Variants in ENPP6 observed in about 807,000 individuals in gnomAD.
ENPP6 encodes ectonucleotide pyrophosphatase/phosphodiesterase 6, also known as glycerophosphocholine cholinephosphodiesterase ENPP6.
ENPP6 carries 32 observed loss-of-function variants against 42.0 expected under a neutral mutation model. That is an observed-to-expected ratio of 0.76 (90% confidence interval 0.58 to 1.02). ENPP6 has a LOEUF of 1.02. ENPP6 is among the 50% of genes least tolerant of loss of function. The pLI is 0.00. For synonymous variants in ENPP6, 213 were observed against 216.0 expected (o/e 0.99, Z 0.12); for missense variants, 552 against 566.8 (o/e 0.97, Z 0.27).
At chr4:184,179,103 C>A (rs1732497786) in intron 1 of ENPP6, among the ~76,000 whole-genome samples, 1 of 152,082 alleles carries the variant, frequency 6.6e-6, no homozygotes, top group Non-Finnish European at 1.5e-5. Context: ...GAGTCAAGAC[C>A]CATTGGCATG....
intron 5 of ENPP6, among the ~76,000 whole-genome samples, chr4:184,113,898 CTT>C (rs374762392): frequency 3.3e-5 from 4 of 122,738 alleles, no homozygotes; most frequent in African/African-American, 9.1e-5. Flanking sequence ...TCCTTTCTTT[CTT>C]TTCTTTCTTT....
chr4:184,105,004 A>T (rs1736064942), intron 6 of ENPP6, among the ~76,000 whole-genome samples: 1 of 152,224 alleles, frequency 6.6e-6, no homozygotes, highest in South Asian at 2.1e-4. Flanking sequence ...TGGGCTTTGA[A>T]GGACAGGGAG....
At chr4:184,147,772 G>A (rs1736953675) in intron 2 of ENPP6, among the ~76,000 whole-genome samples, 1 of 148,592 alleles carries the variant, frequency 6.7e-6, no homozygotes, top group African/African-American at 2.5e-5. Context: ...ATGCACTCTA[G>A]CCTGGGCAAC....
At chr4:184,157,446 TTC>T (rs1364967965) in intron 1 of ENPP6, among the ~76,000 whole-genome samples, 1 of 151,980 alleles carries the variant, frequency 6.6e-6, no homozygotes, top group Non-Finnish European at 1.5e-5. Context: ...TTTCTTTCTT[TTC>T]TTTCTCTCTC....
intron 7 of ENPP6, among the ~76,000 whole-genome samples, chr4:184,095,985 T>C (rs1413531499): frequency 6.6e-6 from 1 of 152,172 alleles, no homozygotes; most frequent in Non-Finnish European, 1.5e-5. Context: ...AGGTAGCATG[T>C]TCAGGCATCT....
chr4:184,099,323 T>C (rs1473894212), intron 6 of ENPP6, among the ~76,000 whole-genome samples: 1 of 152,228 alleles, frequency 6.6e-6, no homozygotes, highest in Non-Finnish European at 1.5e-5. Context: ...ACTGGGTTGG[T>C]GCAGTTAGGT....
chr4:184,183,081 T>C (rs1017315604), intron 1 of ENPP6, among the ~76,000 whole-genome samples: 2 of 152,244 alleles, frequency 1.3e-5, no homozygotes, highest in Admixed American at 1.3e-4. Context: ...AATGAGTTTA[T>C]AAATATGAAA....
chr4:184,165,372 G>T (rs1483009777), intron 1 of ENPP6, among the ~76,000 whole-genome samples: 1 of 152,194 alleles, frequency 6.6e-6, no homozygotes, highest in Non-Finnish European at 1.5e-5. Context: ...CGCACAGCTA[G>T]GAAGAGGGCA....
At chr4:184,164,937 C>T (rs756464506) in intron 1 of ENPP6, among the ~76,000 whole-genome samples, 2 of 152,168 alleles carry the variant, frequency 1.3e-5, no homozygotes, top group Non-Finnish European at 2.9e-5. Flanking sequence ...CCAGAATGAA[C>T]CAGCACTCCA....
chr4:184,212,443 C>A (rs1315822523), intron 1 of ENPP6, among the ~76,000 whole-genome samples: 26 of 149,636 alleles, frequency 1.7e-4, no homozygotes, highest in Non-Finnish European at 3.1e-4. Flanking sequence ...TATACACCAA[C>A]AACAGACAAA....
At chr4:184,130,190 AGC>A (rs1736571559) in intron 2 of ENPP6, among the ~76,000 whole-genome samples, 1 of 152,170 alleles carries the variant, frequency 6.6e-6, no homozygotes, top group Non-Finnish European at 1.5e-5. Context: ...CTGGGTCTGC[AGC>A]AGCTGCCTTG....
chr4:184,171,032 G>A (rs1290215911), intron 1 of ENPP6, among the ~76,000 whole-genome samples: 4 of 152,194 alleles, frequency 2.6e-5, no homozygotes, highest in East Asian at 1.9e-4. Flanking sequence ...ATCTGTTTTG[G>A]TGTAACTGAC....
At chr4:184,150,790 A>G (rs1737010913) in intron 2 of ENPP6, among the ~76,000 whole-genome samples, 1 of 152,206 alleles carries the variant, frequency 6.6e-6, no homozygotes, top group African/African-American at 2.4e-5. Flanking sequence ...TCTTCAGCAA[A>G]TCTTCATTTA....
intron 2 of ENPP6, among the ~76,000 whole-genome samples, chr4:184,143,772 A>T (rs1302700268): frequency 6.6e-6 from 1 of 152,198 alleles, no homozygotes; most frequent in Non-Finnish European, 1.5e-5. Flanking sequence ...CGCGCCTCGC[A>T]GTGAGTGAGT....
intron 2 of ENPP6, among the ~76,000 whole-genome samples, chr4:184,142,101 C>CT (rs1560990705): frequency 6.6e-6 from 1 of 152,230 alleles, no homozygotes; most frequent in Non-Finnish European, 1.5e-5. Flanking sequence ...AGCTCTGGTA[C>CT]TTTCCACTGT....
intron 2 of ENPP6, among the ~76,000 whole-genome samples, chr4:184,133,598 C>G (rs867476261): frequency 6.6e-6 from 1 of 152,064 alleles, no homozygotes; most frequent in African/African-American, 2.4e-5. Flanking sequence ...CCTGCTCCCC[C>G]GAAGGACCCT....
chr4:184,199,416 A>T (rs1343557854), intron 1 of ENPP6, among the ~76,000 whole-genome samples: 1 of 152,198 alleles, frequency 6.6e-6, no homozygotes, highest in East Asian at 1.9e-4. Context: ...TTTCTCCCAA[A>T]CATTTACGTT....
intron 5 of ENPP6, among the ~76,000 whole-genome samples, chr4:184,113,899 T>TTTC (rs1409161618): frequency 3.9e-5 from 4 of 103,626 alleles, no homozygotes; most frequent in African/African-American, 7.6e-5. Context: ...CCTTTCTTTC[T>TTTC]TTTCTTTCTT....
intron 1 of ENPP6, 132 bp downstream of exon 1, chr4:184,217,447 T>G: frequency 7.7e-7 from 1 of 1,292,876 alleles, no homozygotes; most frequent in Middle Eastern, 2.2e-4. Context: ...CAGATTTTTT[T>G]TATCTACCTT....
Sources: allele counts gnomAD v4.1 joint callset (sites outside exome capture counted in the v4.1 genomes callset), GRCh38; gene constraint gnomAD v4.1.1; transcripts MANE v1.5; gene names NCBI Gene and HGNC (gene_info 2026-07-23, HGNC 2026-07-21).